Variants in ABCA13 observed in about 807,000 individuals in gnomAD.
ABCA13 encodes the protein ATP binding cassette subfamily A member 13, also known as ATP-binding cassette sub-family A member 13.
In ABCA13, 476 loss-of-function variants were observed where a neutral mutation model predicts 478.7. The observed-to-expected ratio is 0.99, with a 90% CI of 0.92 to 1.07. The LOEUF (loss-of-function observed/expected upper bound fraction) is 1.07. Ranked by LOEUF, ABCA13 falls within the 50% of genes least tolerant of loss-of-function variation. The pLI is 0.00. For synonymous variants in ABCA13, 2,252 were observed against 2,158.9 expected (o/e 1.04, Z -1.20); for missense variants, 6,060 against 5,910.6 (o/e 1.03, Z -0.83).
intron 27 of ABCA13, among the ~76,000 whole-genome samples, chr7:48,330,129 A>ACATC (rs1805061050): frequency 6.9e-6 from 1 of 145,402 alleles, no homozygotes; most frequent in Non-Finnish European, 1.5e-5. Flanking sequence ...ATCCATCCAC[A>ACATC]CATCCATCCA....
intron 59 of ABCA13, among the ~76,000 whole-genome samples, chr7:48,625,154 G>T (rs1212672189): frequency 6.6e-6 from 1 of 152,194 alleles, no homozygotes; most frequent in African/African-American, 2.4e-5. Context: ...AGCTACCACT[G>T]TCTGAGTAGC....
At chr7:48,250,064 A>G (rs539154507) in intron 15 of ABCA13, among the ~76,000 whole-genome samples, 2 of 152,076 alleles carry the variant, frequency 1.3e-5, no homozygotes, top group African/African-American at 2.4e-5. Context: ...GTGTTCAGTA[A>G]TTTGCTGGTA....
intron 20 of ABCA13, among the ~76,000 whole-genome samples, chr7:48,288,691 GCTCTAA>G (rs1244598502): frequency 2.0e-5 from 3 of 152,100 alleles, no homozygotes; most frequent in Non-Finnish European, 2.9e-5. Flanking sequence ...CCCAACACTG[GCTCTAA>G]CTCATTGAAT....
chr7:48,335,351 TC>T, intron 27 of ABCA13, 70 bp from the exon 28 acceptor site: 1 of 1,166,142 alleles, frequency 8.6e-7, no homozygotes, highest in Non-Finnish European at 1.2e-6. Context: ...TCATATACAG[TC>T]CTTGTTGGAA....
intron 17 of ABCA13, among the ~76,000 whole-genome samples, chr7:48,277,879 T>A (rs114561892): frequency 5.1e-4 from 77 of 152,290 alleles, no homozygotes; most frequent in African/African-American, 1.7e-3. Context: ...GTAACAGAAT[T>A]TGTTCATGAA....
At chr7:48,237,944 A>G (rs182466269) in intron 8 of ABCA13, among the ~76,000 whole-genome samples, 182 of 152,348 alleles carry the variant, frequency 1.2e-3, no homozygotes, top group African/African-American at 4.2e-3. Flanking sequence ...TTTTTAATTA[A>G]GGGAAAAAAA....
At chr7:48,331,448 C>T (rs149348986) in intron 27 of ABCA13, among the ~76,000 whole-genome samples, 2,083 of 152,240 alleles carry the variant, frequency 0.014, 18 homozygotes, top group Admixed American at 0.019. Flanking sequence ...TAGATTTAAA[C>T]GTGTTAAATG....
At chr7:48,365,298 T>G (rs544477880) in intron 31 of ABCA13, among the ~76,000 whole-genome samples, 1 of 152,314 alleles carries the variant, frequency 6.6e-6, no homozygotes, top group East Asian at 1.9e-4. Context: ...TTGAGTTTCT[T>G]GTATATTCAG....
chr7:48,407,947 G>A (rs532678989), intron 39 of ABCA13, among the ~76,000 whole-genome samples: 1 of 152,174 alleles, frequency 6.6e-6, no homozygotes, highest in Non-Finnish European at 1.5e-5. Context: ...TTTACATAGG[G>A]ATTTTGGTAT....
intron 20 of ABCA13, among the ~76,000 whole-genome samples, chr7:48,293,771 G>C (rs907048465): frequency 6.6e-6 from 1 of 152,068 alleles, no homozygotes; most frequent in East Asian, 1.9e-4. Flanking sequence ...CAAAATGATT[G>C]GTTGTTTAAA....
chr7:48,364,080 A>G (rs1240812058), intron 31 of ABCA13, among the ~76,000 whole-genome samples: 1 of 152,028 alleles, frequency 6.6e-6, no homozygotes, highest in African/African-American at 2.4e-5. Context: ...ATTCCTGTCC[A>G]GGTATCTGCA....
At position 48,244,562 on chromosome 7, in the gene ABCA13, A is replaced by T. The variant is rs1791375018; in HGVS notation, c.1263-14A>T. 1 of 1,607,858 alleles carries T rather than the reference A, an allele frequency of 6.2e-7. No individual in the cohort carries two copies. The highest frequency in any genetic ancestry group is 1.1e-5 in the South Asian group (1 of 90,024). ...ACTTTTCATTTTATTTCATTTATTT[A>T]TTTTTGCCCTCAGATTACAGCATCT... On this transcript the variant is annotated splice_polypyrimidine_tract_variant and intron_variant, in intron 10 of 61. Transcript: ENST00000435803.
In ABCA13 at chr7:48,335,448, C is replaced by T; in HGVS notation, c.10026C>T (p.Asp3342=). 1 of 1,611,640 alleles carries T rather than the reference C, an allele frequency of 6.2e-7. No homozygotes were observed. Among genetic ancestry groups the T allele is most frequent in the African/African-American group, 1.3e-5 (1 of 74,932 alleles). ...QKANYTFYIV[D]KLKTLSETLL... is the part of the protein sequence containing the mutation. ...CTAATTACACCTTTTATATTGTGGA[C>T]AAACTAAAAACTTTATCAGAAACAC... Residue 3342 remains aspartate (D), a synonymous_variant, in exon 28 of 62, where the codon GAC becomes GAT. Transcript: ENST00000435803.
At chr7:48,253,986 A>T in intron 15 of ABCA13, among the ~76,000 whole-genome samples, 1 of 143,586 alleles carries the variant, frequency 7.0e-6, no homozygotes, top group Non-Finnish European at 1.5e-5. Flanking sequence ...TCTTTTTTCT[A>T]TATTGTTCCT....
intron 16 of ABCA13, among the ~76,000 whole-genome samples, chr7:48,270,244 A>C (rs1406636924): frequency 2.6e-5 from 4 of 152,166 alleles, no homozygotes; most frequent in Non-Finnish European, 5.9e-5. Context: ...TGAACCTGTC[A>C]ATTAAAAAAA....
At chr7:48,589,827 G>T (rs1789545695) in intron 57 of ABCA13, among the ~76,000 whole-genome samples, 1 of 152,160 alleles carries the variant, frequency 6.6e-6, no homozygotes, top group African/African-American at 2.4e-5. Flanking sequence ...GTCATCACAA[G>T]GCAAAAGTCA....
intron 35 of ABCA13, among the ~76,000 whole-genome samples, chr7:48,386,753 T>G (rs900984118): frequency 6.6e-6 from 1 of 152,204 alleles, no homozygotes; most frequent in Non-Finnish European, 1.5e-5. Flanking sequence ...GATTAAAGAC[T>G]TAAATGTAAA....
intron 44 of ABCA13, among the ~76,000 whole-genome samples, chr7:48,467,567 C>G (rs970422360): frequency 6.6e-6 from 1 of 151,980 alleles, no homozygotes; most frequent in Non-Finnish European, 1.5e-5. Flanking sequence ...ATAGGGGAGG[C>G]CTTTCTTTAT....
At position 48,273,832 on chromosome 7, in the gene ABCA13, G is replaced by A; in HGVS notation, c.4166G>A (p.Ser1389Asn). 1 of 1,611,006 alleles carries A rather than the reference G, an allele frequency of 6.2e-7. No individual in the cohort carries two copies. The highest frequency in any genetic ancestry group is 1.1e-5 in the South Asian group (1 of 90,918). The part of the protein sequence containing the change: ...NSTFSSENTI[S>N]SLKGCIVWLD... ...ACATTTTCCTCTGAGAACACAATTA[G>A]CAGTCTGAAAGGATGCATTGTATGG... The change falls in exon 17 of 62, where the codon AGC becomes AAC. Residue 1389 changes from serine (S) to asparagine (N), a missense_variant. Ser to Asn is a conservative substitution (Grantham distance 46). This residue lies in a region of ABCA13 where 4,423 missense variants were observed against 4,309.1 expected (regional missense o/e 1.03). Transcript: ENST00000435803.
Sources: allele counts gnomAD v4.1 joint callset (sites outside exome capture counted in the v4.1 genomes callset), GRCh38; gene constraint gnomAD v4.1.1; regional missense constraint gnomAD v4.1.1; transcripts MANE v1.5; gene names NCBI Gene and HGNC (gene_info 2026-07-23, HGNC 2026-07-21).